Variants in ANO4 observed in about 807,000 individuals in gnomAD.
ANO4 encodes anoctamin-4.
ANO4 carries 69 observed loss-of-function variants against 141.9 expected under a neutral mutation model. That is an observed-to-expected ratio of 0.49 (90% CI 0.40 to 0.59). ANO4 has a LOEUF of 0.59. ANO4 is among the 20% of genes least tolerant of loss of function. The pLI is 0.00. For synonymous variants in ANO4, 350 were observed against 394.3 expected, an observed-to-expected ratio of 0.89 and a Z score of 1.33; for missense variants, 894 against 1,162.2, an observed-to-expected ratio of 0.77 and a Z score of 3.36.
Position 101,099,725 on chromosome 12 carries a change from G to A in ANO4, c.2149+5G>A. On this transcript the variant is annotated splice_donor_5th_base_variant and intron_variant, in intron 22 of 27. Coordinates refer to ENST00000392977, the MANE Select transcript of ANO4 (RefSeq NM_001286615.2). The stretch of plus-strand genomic sequence containing the variant: ...TCGATGAATACTTAGAAATGAGTAT[G>A]GAAATATTCTACTTTATCTTATTAA... The A allele has an allele frequency of 6.5e-7, 1 of 1,547,644 alleles. No individual in the cohort carries two copies. The highest frequency in any genetic ancestry group is 2.3e-5 in the East Asian group (1 of 43,174).
At chr12:101,028,749 A>C (rs891182604) in intron 9 of ANO4, among the ~76,000 whole-genome samples, 3 of 152,242 alleles carry the variant, frequency 2.0e-5, no homozygotes, top group African/African-American at 7.2e-5. Context: ...CAAACTGGAA[A>C]ACAAACTTCA....
intron 1 of ANO4, among the ~76,000 whole-genome samples, chr12:100,894,737 C>T (rs13377919): frequency 0.019 from 2,944 of 152,004 alleles, 117 homozygotes; most frequent in African/African-American, 0.067. Context: ...GAGGCCGAGG[C>T]GGGCGGATCA....
At chr12:100,927,884 A>G (rs564348430) in intron 3 of ANO4, among the ~76,000 whole-genome samples, 2 of 152,264 alleles carry the variant, frequency 1.3e-5, no homozygotes, top group African/African-American at 4.8e-5. Context: ...GATGAAGGAA[A>G]GAGGGCACAA....
intron 17 of ANO4, among the ~76,000 whole-genome samples, chr12:101,093,399 A>G (rs759367812): frequency 2.0e-5 from 3 of 152,204 alleles, no homozygotes; most frequent in Non-Finnish European, 4.4e-5. Flanking sequence ...TGGATGGTCA[A>G]GCTGTAATTC....
intron 1 of ANO4, among the ~76,000 whole-genome samples, chr12:100,842,819 G>A (rs900521137): frequency 1.3e-5 from 2 of 152,072 alleles, no homozygotes; most frequent in Non-Finnish European, 2.9e-5. Context: ...CAAAAGAGTA[G>A]AGCCCCCATG....
At chr12:101,061,469 A>C (rs2048343396) in intron 14 of ANO4, among the ~76,000 whole-genome samples, 1 of 152,118 alleles carries the variant, frequency 6.6e-6, no homozygotes, top group Non-Finnish European at 1.5e-5. Flanking sequence ...AATATCCTGA[A>C]GAGTGTTTTC....
chr12:100,953,465 G>A (rs932487056), intron 5 of ANO4, among the ~76,000 whole-genome samples: 2 of 152,202 alleles, frequency 1.3e-5, no homozygotes, highest in African/African-American at 4.8e-5. Context: ...CTTGAGGCAA[G>A]GGCCCTGGCT....
chr12:100,914,525 A>G (rs2041249106), intron 2 of ANO4, among the ~76,000 whole-genome samples: 1 of 152,234 alleles, frequency 6.6e-6, no homozygotes, highest in Non-Finnish European at 1.5e-5. Context: ...TAATAAAATG[A>G]CATGAATATT....
rs139599228 is a variant in ANO4, at chr12:100,869,949, G to A, written c.-140-31697G>A. On this transcript the variant is annotated intron_variant, in intron 1 of 27. Transcript: ENST00000392977. ...ATAACTGATGTCACCACTTGTCCTG[G>A]ATTATTTGTTTTCTGTTTTTTCCTG... is the stretch of plus-strand genomic sequence containing the variant. 3.1e-3 allele frequency among the ~76,000 whole-genome samples: 472 copies of A among 152,264 alleles called. 4 individuals are homozygous for A. The highest frequency in any genetic ancestry group is 0.01 in the African/African-American group (422 of 41,560).
intron 5 of ANO4, among the ~76,000 whole-genome samples, chr12:100,950,911 G>T (rs1330119103): frequency 1.3e-5 from 2 of 152,098 alleles, no homozygotes; most frequent in African/African-American, 4.8e-5. Flanking sequence ...AATTCATGGG[G>T]GTCCTTGACC....
chr12:101,126,972 A>T lies in ANO4; in HGVS notation c.2770A>T (p.Ile924Phe), dbSNP rs779924651. ...TCGAATGAGAAGAGAGAAGTACTTG[A>T]TTCAGGAGATGATGTATGAAGCAGA... ...RDRMRREKYL[I>F]QEMMYEAELE... The change falls in exon 27 of 28, where the codon ATT (isoleucine) becomes TTT (phenylalanine). Residue 924 changes from isoleucine to phenylalanine, a missense_variant. By Grantham distance (21) the Ile-to-Phe change is conservative. This residue lies in a region of ANO4 where 637 missense variants were observed against 909.2 expected (regional missense o/e 0.70). Transcript: ENST00000392977. 2 of 1,614,174 alleles carry T rather than the reference A, an allele frequency of 1.2e-6. No homozygotes were observed. The highest frequency in any genetic ancestry group is 1.7e-6 in the Non-Finnish European group (2 of 1,180,018).
intron 6 of ANO4, among the ~76,000 whole-genome samples, chr12:100,973,098 A>G (rs541293115): frequency 6.6e-6 from 1 of 152,386 alleles, no homozygotes; most frequent in South Asian, 2.1e-4. Context: ...GAATTCCTGC[A>G]GGACAATTTT....
intron 5 of ANO4, among the ~76,000 whole-genome samples, chr12:100,955,466 C>A (rs1015199305): frequency 6.6e-6 from 1 of 152,118 alleles, no homozygotes; most frequent in Non-Finnish European, 1.5e-5. Flanking sequence ...TAAAAGTGAA[C>A]TTTTACGACC....
intron 2 of ANO4, among the ~76,000 whole-genome samples, chr12:100,903,178 C>T (rs1244792547): frequency 6.6e-6 from 1 of 152,186 alleles, no homozygotes; most frequent in African/African-American, 2.4e-5. Context: ...CAGTGACCTC[C>T]TTTTATCACA....
chr12:100,924,043 T>A (rs911484498), intron 3 of ANO4, among the ~76,000 whole-genome samples: 1 of 152,160 alleles, frequency 6.6e-6, no homozygotes, highest in African/African-American at 2.4e-5. Context: ...TATTAGCCCT[T>A]TGTCAGATGG....
intron 3 of ANO4, among the ~76,000 whole-genome samples, chr12:100,935,186 G>A (rs2042235088): frequency 1.3e-5 from 2 of 152,144 alleles, no homozygotes; most frequent in African/African-American, 4.8e-5. Context: ...CAAAGGAAAT[G>A]CTTCCAGTTT....
intron 3 of ANO4, 59 bp downstream of exon 3, chr12:100,922,389 GA>G: frequency 8.2e-7 from 1 of 1,224,440 alleles, no homozygotes; most frequent in Middle Eastern, 2.0e-4. Context: ...TAATACTTGG[GA>G]GGGGTAATAA....
chr12:100,921,087 T>TTATAA (rs1202114425), intron 2 of ANO4, among the ~76,000 whole-genome samples: 1 of 152,094 alleles, frequency 6.6e-6, no homozygotes, highest in Admixed American at 6.6e-5. Flanking sequence ...GTTGTTTTGG[T>TTATAA]TTTATAATTA....
rs145168564 is a variant in ANO4, at chr12:101,057,842, G to T, written c.1312+9441G>T. Among the ~76,000 whole-genome samples, 976 of 152,258 alleles carry T rather than the reference G, an allele frequency of 6.4e-3. 10 individuals are homozygous for T. The highest frequency in any genetic ancestry group is 0.022 in the African/African-American group (929 of 41,530). On this transcript the variant is annotated intron_variant, in intron 14 of 27. Coordinates refer to ENST00000392977, the MANE Select transcript of ANO4 (RefSeq NM_001286615.2). ...GTTCACTCTGATGATAGTTTCCATTGCTGTGCAGAAGCTCTTTAGTTTAAT... is the reference window on the plus strand; with the variant it reads ...GTTCACTCTGATGATAGTTTCCATTTCTGTGCAGAAGCTCTTTAGTTTAAT...
Sources: allele counts gnomAD v4.1 joint callset (sites outside exome capture counted in the v4.1 genomes callset), GRCh38; gene constraint gnomAD v4.1.1; regional missense constraint gnomAD v4.1.1; transcripts MANE v1.5; gene names NCBI Gene and HGNC (gene_info 2026-07-23, HGNC 2026-07-21).